ZDHHC17: variants seen among roughly 807,000 people sequenced by gnomAD.
The protein encoded by ZDHHC17 is zDHHC palmitoyltransferase 17, also known as palmitoyltransferase ZDHHC17.
In ZDHHC17, 40 loss-of-function variants were observed where a neutral mutation model predicts 90.3. The observed-to-expected ratio is 0.44, with a 90% CI of 0.34 to 0.58. The LOEUF (loss-of-function observed/expected upper bound fraction) is 0.58, where lower values mean the gene tolerates loss of function less well. Ranked by LOEUF, ZDHHC17 falls within the 20% of genes least tolerant of loss-of-function variation. ZDHHC17 has a pLI of 0.01. For missense variants in ZDHHC17, 614 were observed against 780.8 expected (o/e 0.79, Z 2.55); for synonymous variants, 235 against 252.4 (o/e 0.93, Z 0.65).
intron 3 of ZDHHC17, among the ~76,000 whole-genome samples, chr12:76,806,637 A>T (rs561725922): frequency 6.6e-6 from 1 of 152,076 alleles, no homozygotes; most frequent in Non-Finnish European, 1.5e-5. Flanking sequence ...GGCTTCCCAA[A>T]GTGCTGGGAT....
chr12:76,848,219 T>C lies in ZDHHC17; in HGVS notation c.1508-14T>C. On this transcript the variant is annotated splice_polypyrimidine_tract_variant and intron_variant, in intron 14 of 16. Coordinates refer to ENST00000426126, the MANE Select transcript of ZDHHC17 (RefSeq NM_015336.4). ...ATTATTGAGTAAATACGAGTACTTC[T>C]GTTCTGGCTTTAGACTGGGGACTCC... 6.2e-7 allele frequency: 1 copy of C among 1,613,688 alleles called. No individual in the cohort carries two copies. Among genetic ancestry groups the C allele is most frequent in the Non-Finnish European group, 8.5e-7 (1 of 1,179,662 alleles).
intron 6 of ZDHHC17, 95 bp downstream of exon 6, chr12:76,815,305 A>AAACT: frequency 9.9e-6 from 7 of 704,914 alleles, no homozygotes; most frequent in Non-Finnish European, 1.5e-5. Context: ...TATACTCACT[A>AAACT]ATATTTACAG....
intron 2 of ZDHHC17, among the ~76,000 whole-genome samples, chr12:76,803,634 C>T (rs1164556576): frequency 6.6e-6 from 1 of 152,164 alleles, no homozygotes; most frequent in Non-Finnish European, 1.5e-5. Context: ...TTCCCTTCAC[C>T]CTGGTATTCC....
intron 10 of ZDHHC17, among the ~76,000 whole-genome samples, chr12:76,829,177 G>A (rs991546758): frequency 3.3e-5 from 5 of 152,084 alleles, no homozygotes; most frequent in African/African-American, 1.2e-4. Flanking sequence ...TAGAACTAAT[G>A]GCTGGGCGCT....
rs529702484 is a variant in ZDHHC17, at chr12:76,851,196, T to TA, written c.*217dup. On this transcript the variant is annotated 3_prime_UTR_variant, in exon 17 of 17. Transcript: ENST00000426126. The stretch of plus-strand genomic sequence containing the variant: ...CCATTTCTGGGAAGAGTAAAGATGA[T>TA]AAAAAATAATTTTAATGGTTCTTAA... 8 of 526,600 alleles carry TA rather than the reference T, an allele frequency of 1.5e-5. No homozygotes were observed. The East Asian group carries it at 3.1e-4, about 20-fold the overall frequency. The allele number at this position is 526,600 out of a possible 1,614,324, so 32.6% of individuals were successfully genotyped here. A position where few individuals can be genotyped will look rare whatever the true frequency, so the allele number is the denominator to read the frequency against.
At chr12:76,810,850 T>C (rs564536940) in intron 5 of ZDHHC17, among the ~76,000 whole-genome samples, 1 of 152,324 alleles carries the variant, frequency 6.6e-6, no homozygotes, top group Admixed American at 6.5e-5. Flanking sequence ...GCTGCAGTTG[T>C]CTGGCGGCTT....
intron 8 of ZDHHC17, among the ~76,000 whole-genome samples, chr12:76,824,102 A>G (rs971853943): frequency 2.9e-4 from 44 of 152,252 alleles, no homozygotes; most frequent in African/African-American, 1.0e-3. Flanking sequence ...ATTCACACAC[A>G]CACATATAGT....
intron 1 of ZDHHC17, among the ~76,000 whole-genome samples, chr12:76,773,275 G>A (rs906453126): frequency 6.6e-6 from 1 of 152,038 alleles, no homozygotes; most frequent in African/African-American, 2.4e-5. Context: ...ACCAATCCCT[G>A]ATTTTTTTTA....
chr12:76,851,225 G>A lies in ZDHHC17; in HGVS notation c.*240G>A. 4.6e-6 allele frequency: 2 copies of A among 430,944 alleles called. No individual in the cohort carries two copies. Among genetic ancestry groups the A allele is most frequent in the Non-Finnish European group, 8.0e-6 (2 of 249,408 alleles). 26.7% of individuals were successfully genotyped at this position (430,944 alleles called of 1,614,324 possible). A position where few individuals can be genotyped will look rare whatever the true frequency, so the allele number is the denominator to read the frequency against. ...AAATAATTTTAATGGTTCTTAATGTGGAAATTCACAACATACTCAACTTTT... is the reference window on the plus strand; with the variant it reads ...AAATAATTTTAATGGTTCTTAATGTAGAAATTCACAACATACTCAACTTTT... On this transcript the variant is annotated 3_prime_UTR_variant, in exon 17 of 17. Coordinates refer to ENST00000426126, the MANE Select transcript of ZDHHC17 (RefSeq NM_015336.4).
rs751718240 is a variant in ZDHHC17, at chr12:76,842,954, C to A, written c.1302C>A (p.Asp434Glu). Residue 434 changes from aspartate (D) to glutamate (E), a missense_variant, in exon 12 of 17, where the codon GAC (aspartate) becomes GAA (glutamate). Physicochemically the swap from Asp to Glu is conservative, Grantham distance 45. This residue lies in a region of ZDHHC17 where 117 missense variants were observed against 183.6 expected (regional missense o/e 0.64). Transcript: ENST00000426126. ...IVELAETGSL[D>E]LSIFCSTCLI... Reference sequence around the variant, plus strand: ...AACTTGCAGAGACAGGAAGTCTGGACCTCAGTATATTCTGCAGTACCTGTT... The same window carrying A: ...AACTTGCAGAGACAGGAAGTCTGGAACTCAGTATATTCTGCAGTACCTGTT... The A allele has an allele frequency of 1.2e-6, 2 of 1,610,818 alleles. No individual in the cohort carries two copies. The highest frequency in any genetic ancestry group is 2.7e-5 in the African/African-American group (2 of 74,732).
intron 11 of ZDHHC17, 104 bp downstream of exon 11, chr12:76,842,210 G>GC (rs1444243439): frequency 4.2e-5 from 51 of 1,225,954 alleles, no homozygotes; most frequent in Non-Finnish European, 4.9e-5. Flanking sequence ...AGAATGTAAA[G>GC]AAGTTTTAAG....
chr12:76,764,895 G>A (rs1432368575), intron 1 of ZDHHC17: 1 of 455,506 alleles, frequency 2.2e-6, no homozygotes, highest in African/African-American at 2.0e-5. Flanking sequence ...AAGAAGAGAG[G>A]TAAAAACTTT....
chr12:76,798,706 A>G (rs1412864565), intron 2 of ZDHHC17, among the ~76,000 whole-genome samples: 1 of 152,152 alleles, frequency 6.6e-6, no homozygotes, highest in Non-Finnish European at 1.5e-5. Context: ...GCTTCTGAGG[A>G]GTCTTCAGGA....
At chr12:76,801,566 A>G (rs1188386033) in intron 2 of ZDHHC17, among the ~76,000 whole-genome samples, 2 of 152,100 alleles carry the variant, frequency 1.3e-5, no homozygotes, top group Non-Finnish European at 2.9e-5. Flanking sequence ...AAGCAGGAGA[A>G]TGGCGTGAAC....
At chr12:76,843,090 T>G in intron 12 of ZDHHC17, 109 bp downstream of exon 12, 1 of 746,940 alleles carries the variant, frequency 1.3e-6, no homozygotes, top group South Asian at 2.4e-5. Flanking sequence ...AATGAACACA[T>G]TCCCTGCTTC....
intron 1 of ZDHHC17, among the ~76,000 whole-genome samples, chr12:76,768,639 T>C (rs185102056): frequency 6.6e-6 from 1 of 152,270 alleles, no homozygotes; most frequent in East Asian, 1.9e-4. Context: ...AAGGCTTCCG[T>C]AGAGGGACAG....
chr12:76,789,327 A>C (rs976212361), intron 1 of ZDHHC17, among the ~76,000 whole-genome samples: 2 of 152,202 alleles, frequency 1.3e-5, no homozygotes, highest in African/African-American at 4.8e-5. Context: ...GACATACACA[A>C]ATGATTAAGA....
At chr12:76,775,649 T>C (rs1219036816) in intron 1 of ZDHHC17, among the ~76,000 whole-genome samples, 2 of 152,182 alleles carry the variant, frequency 1.3e-5, no homozygotes, top group African/African-American at 4.8e-5. Flanking sequence ...GTACATACAA[T>C]AATGGTGCAT....
At chr12:76,838,870 G>A (rs184303521) in intron 10 of ZDHHC17, among the ~76,000 whole-genome samples, 13 of 152,266 alleles carry the variant, frequency 8.5e-5, no homozygotes, top group African/African-American at 2.9e-4. Context: ...GTATTAGTCA[G>A]TTCAAGCTGC....
Sources: allele counts gnomAD v4.1 joint callset (sites outside exome capture counted in the v4.1 genomes callset), GRCh38; gene constraint gnomAD v4.1.1; regional missense constraint gnomAD v4.1.1; transcripts MANE v1.5; gene names NCBI Gene and HGNC (gene_info 2026-07-23, HGNC 2026-07-21).